Variants in WDR45 observed in about 807,000 individuals in gnomAD.
WDR45 encodes the protein WD repeat domain phosphoinositide-interacting protein 4.
Under a neutral mutation model 27.3 loss-of-function variants are expected in WDR45, and 2 were observed. The observed-to-expected ratio is 0.07, with a 90% CI of 0.03 to 0.23. The LOEUF is 0.23. Ranked by LOEUF, WDR45 falls within the 10% of genes least tolerant of loss-of-function variation. The pLI is 1.00. For missense variants in WDR45, 175 were observed against 311.9 expected, an observed-to-expected ratio of 0.56 and a Z score of 3.31; for synonymous variants, 99 against 119.2, an observed-to-expected ratio of 0.83 and a Z score of 1.11.
At chrX:49,090,737 C>T (rs1360163228) in intron 2 of WDR45, among the ~76,000 whole-genome samples, 1 of 108,806 alleles carries the variant, frequency 9.2e-6, no homozygotes, top group African/African-American at 3.4e-5. Context: ...AGAGTTTCAC[C>T]ACATTGGCTA....
upstream of WDR45, among the ~76,000 whole-genome samples, chrX:49,081,828 CA>C (rs1236755586): frequency 1.0e-5 from 1 of 98,019 alleles, no homozygotes; most frequent in East Asian, 3.2e-4. Flanking sequence ...TACTAAAATA[CA>C]AAAAATTAGC....
At chrX:49,083,338 T>C (rs923293117), upstream of WDR45, among the ~76,000 whole-genome samples, 8 of 102,618 alleles carry the variant, frequency 7.8e-5, no homozygotes, top group East Asian at 3.0e-4. Context: ...TTTTTTTTTT[T>C]CTCCATCTCT....
At chrX:49,076,380 C>T (rs1557084216) in intron 6 of WDR45, 50 bp downstream of exon 6, 1 of 1,157,902 alleles carries the variant, frequency 8.6e-7, no homozygotes, top group Non-Finnish European at 1.2e-6. Flanking sequence ...TGCCCCTCTG[C>T]CCCATCCACT....
At chrX:49,099,566 G>C (rs940949448) in intron 2 of WDR45, among the ~76,000 whole-genome samples, 18 of 110,682 alleles carry the variant, frequency 1.6e-4, no homozygotes, top group Non-Finnish European at 3.2e-4. Context: ...CGGATCACGA[G>C]GTCAGGAGAT....
intron 2 of WDR45, among the ~76,000 whole-genome samples, chrX:49,088,220 G>A (rs1403742902): frequency 2.0e-4 from 22 of 110,994 alleles, no homozygotes; most frequent in African/African-American, 7.2e-4. Context: ...CCTGGCCAAT[G>A]TGGTGAAATC....
upstream of WDR45, among the ~76,000 whole-genome samples, chrX:49,080,958 C>T (rs1218070806): frequency 1.1e-5 from 1 of 93,373 alleles, no homozygotes; most frequent in Non-Finnish European, 2.1e-5. Context: ...GTGCAATTAG[C>T]GCGATCTTGG....
chrX:49,074,996 T>G, intron 10 of WDR45, 84 bp from the exon 11 acceptor site: 1 of 1,123,997 alleles, frequency 8.9e-7, no homozygotes, highest in Non-Finnish European at 1.2e-6. Flanking sequence ...ACCTAGGGTC[T>G]GCCTCCAGGC....
At chrX:49,090,252 C>T (rs1401628127) in intron 2 of WDR45, among the ~76,000 whole-genome samples, 2 of 110,859 alleles carry the variant, frequency 1.8e-5, no homozygotes, top group African/African-American at 3.3e-5. Flanking sequence ...CTAGTAGAAA[C>T]GGGATTTCAT....
chrX:49,083,935 A>G (rs1343992684), upstream of WDR45, among the ~76,000 whole-genome samples: 4 of 89,077 alleles, frequency 4.5e-5, no homozygotes, highest in Middle Eastern at 5.2e-3. Context: ...TGACAGAGCG[A>G]CACTCTGTCT....
At chrX:49,094,477 A>C (rs2147828379) in intron 2 of WDR45, among the ~76,000 whole-genome samples, 1 of 110,624 alleles carries the variant, frequency 9.0e-6, no homozygotes, top group South Asian at 3.8e-4. Flanking sequence ...AAAGAAAAAA[A>C]ATTTTTTTTT....
In WDR45 at chrX:49,075,444, G is replaced by A. The variant is rs782744611; in HGVS notation, c.747C>T (p.Ser249=). 1.8e-5 allele frequency: 22 copies of A among 1,210,418 alleles called. No individual in the cohort carries two copies. The South Asian group carries it at 3.3e-4, about 18-fold the overall frequency. The change falls in exon 9 of 11, where the codon TCC becomes TCT. Residue 249 remains serine, a synonymous_variant. Transcript: ENST00000376372. The part of the protein sequence containing the change: ...TLYCINFSHD[S]SFLCASSDKG... ...TATCACTGGAAGCGCAGAGGAAGGA[G>A]GAGTCGTGGCTGAAGTTAATGCTAG... is the stretch of plus-strand genomic sequence containing the variant.
At chrX:49,083,945 TAAA>T (rs1296886066), upstream of WDR45, among the ~76,000 whole-genome samples, 2 of 48,092 alleles carry the variant, frequency 4.2e-5, no homozygotes, top group African/African-American at 8.1e-5. Context: ...ACACTCTGTC[TAAA>T]AAAAAAAAAA....
Position 49,074,578 on chromosome X carries a change from G to A in WDR45, c.*225C>T. 2 of 409,573 alleles carry A rather than the reference G, an allele frequency of 4.9e-6. No homozygotes were observed. The highest frequency in any genetic ancestry group is 8.4e-6 in the Non-Finnish European group (2 of 236,956). The allele number at this position is 409,573 out of a possible 1,213,427, so 33.8% of individuals were successfully genotyped here. On this transcript the variant is annotated 3_prime_UTR_variant, in exon 11 of 11. Transcript: ENST00000376372. ...ATTTCCTCCAGGTTAGGGATCCCAA[G>A]GGGTCGCTGCCTTCCTGGGTCTCTG...
chrX:49,076,605 G>A, intron 5 of WDR45, 40 bp downstream of exon 5: 1 of 1,201,044 alleles, frequency 8.3e-7, no homozygotes, highest in Non-Finnish European at 1.1e-6. Context: ...ACTTACTGTG[G>A]GGACCTCCTA....
At chrX:49,082,941 G>C (rs1255317728), upstream of WDR45, among the ~76,000 whole-genome samples, 1 of 106,572 alleles carries the variant, frequency 9.4e-6, no homozygotes, top group Admixed American at 1.0e-4. Context: ...GTGCAGTGGG[G>C]CGATCTCGGT....
At chrX:49,092,477 A>ATACCTATTATGTCCTAAAT (rs2065110991) in intron 2 of WDR45, among the ~76,000 whole-genome samples, 1 of 110,939 alleles carries the variant, frequency 9.0e-6, no homozygotes, top group Non-Finnish European at 1.9e-5. Flanking sequence ...GTCCTAAAAA[A>ATACCTATTATGTCCTAAAT]ATAGTAGCAG....
At chrX:49,097,397 G>A (rs2065129510) in intron 2 of WDR45, among the ~76,000 whole-genome samples, 1 of 105,791 alleles carries the variant, frequency 9.5e-6, no homozygotes, top group East Asian at 3.0e-4. Flanking sequence ...CGTGATCTGG[G>A]CTCACTGTAG....
chrX:49,078,351 G>A (rs908504838), intron 1 of WDR45, among the ~76,000 whole-genome samples: 3 of 112,139 alleles, frequency 2.7e-5, no homozygotes, highest in East Asian at 2.8e-4. Flanking sequence ...GTGAAATCCC[G>A]TCTCTAATAA....
At chrX:49,096,366 G>A (rs1166447880) in intron 2 of WDR45, among the ~76,000 whole-genome samples, 2 of 111,004 alleles carry the variant, frequency 1.8e-5, no homozygotes, top group African/African-American at 6.6e-5. Flanking sequence ...ATGTAGCTGA[G>A]ACTACAGGCA....
Sources: gnomAD v4.1 joint callset for allele counts (sites outside exome capture counted in the v4.1 genomes callset) on GRCh38, gnomAD v4.1.1 for gene constraint, MANE v1.5 for transcripts, NCBI Gene and HGNC (gene_info 2026-07-23, HGNC 2026-07-21) for gene names.